TRAF2: variants seen among roughly 807,000 people sequenced by gnomAD.
The protein encoded by TRAF2 is TNF receptor associated factor 2, also known as TNF receptor-associated factor 2.
TRAF2 carries 6 observed loss-of-function variants against 55.6 expected under a neutral mutation model. That is an observed-to-expected ratio of 0.11 (90% CI 0.06 to 0.21). The LOEUF is 0.21. Among genes scored for constraint, TRAF2 ranks in the 10% least tolerant of loss-of-function variants. The pLI is 1.00. For synonymous variants in TRAF2, 329 were observed against 276.3 expected (o/e 1.19, Z -1.89); for missense variants, 561 against 684.5 (o/e 0.82, Z 2.01).
In TRAF2 at chr9:136,926,318, G is replaced by C. The variant is rs961976386; in HGVS notation, c.*417G>C. 11 of 353,088 alleles carry C rather than the reference G, an allele frequency of 3.1e-5. No individual in the cohort carries two copies. Among genetic ancestry groups the C allele is most frequent in the Non-Finnish European group, 6.2e-5 (11 of 178,766 alleles). 21.9% of individuals were successfully genotyped at this position (353,088 alleles called of 1,614,324 possible). A position where few individuals can be genotyped will look rare whatever the true frequency, so the allele number is the denominator to read the frequency against. ...CTCGGGCATGACAGGCAGAAACGAG[G>C]GCTGCTCCAGGAGAAGGGCCTCCTG... is the stretch of plus-strand genomic sequence containing the variant. On this transcript the variant is annotated 3_prime_UTR_variant, in exon 11 of 11. Coordinates refer to ENST00000247668, the MANE Select transcript of TRAF2 (RefSeq NM_021138.4).
chr9:136,914,676 C>T (rs1211965306), intron 6 of TRAF2, among the ~76,000 whole-genome samples: 6 of 152,190 alleles, frequency 3.9e-5, no homozygotes. Context: ...CATTGCTATA[C>T]ATAAGAACGG....
At chr9:136,912,152 C>CA (rs1850127800) in intron 6 of TRAF2, among the ~76,000 whole-genome samples, 1 of 58,302 alleles carries the variant, frequency 1.7e-5, no homozygotes, top group Non-Finnish European at 3.0e-5. Flanking sequence ...GCGTCTGGCC[C>CA]TTTTTTTTTT....
At chr9:136,886,651 GCCGGA>G in intron 1 of TRAF2, 110 bp downstream of exon 1, 1 of 733,714 alleles carries the variant, frequency 1.4e-6, no homozygotes. Context: ...GAGACTCCGG[GCCGGA>G]GCGGGAGCGG....
intron 4 of TRAF2, among the ~76,000 whole-genome samples, chr9:136,905,705 G>GTT (rs1377809854): frequency 6.6e-6 from 1 of 152,168 alleles, no homozygotes; most frequent in African/African-American, 2.4e-5. Context: ...CAAAAGACGT[G>GTT]TTTAACTCTG....
At chr9:136,910,978 G>A (rs756974791) in intron 6 of TRAF2, among the ~76,000 whole-genome samples, 8 of 152,228 alleles carry the variant, frequency 5.3e-5, no homozygotes, top group African/African-American at 1.9e-4. Context: ...AGGCCAGGAC[G>A]CCTGCCTGGG....
At chr9:136,888,606 C>T (rs1849506996) in intron 1 of TRAF2, among the ~76,000 whole-genome samples, 1 of 152,206 alleles carries the variant, frequency 6.6e-6, no homozygotes, top group South Asian at 2.1e-4. Flanking sequence ...TTTGCGGCGA[C>T]TAGGTGACCC....
intron 1 of TRAF2, 148 bp from the exon 2 acceptor site, chr9:136,898,565 C>T: frequency 6.9e-7 from 1 of 1,444,602 alleles, no homozygotes. Context: ...CTCCCTGAAG[C>T]TCTGCGATTC....
At chr9:136,891,030 A>G (rs1447288505) in intron 1 of TRAF2, among the ~76,000 whole-genome samples, 5 of 152,082 alleles carry the variant, frequency 3.3e-5, no homozygotes, top group Admixed American at 3.3e-4. Context: ...AGATCCTCCC[A>G]CCTCGGCCTC....
chr9:136,919,672 C>A (rs1850335331), intron 7 of TRAF2, among the ~76,000 whole-genome samples: 1 of 44,106 alleles, frequency 2.3e-5, no homozygotes, highest in African/African-American at 1.3e-4. Context: ...CTCCTTCTTT[C>A]CCTCCCCTTC....
chr9:136,920,145 C>T, intron 7 of TRAF2, 89 bp from the exon 8 acceptor site: 2 of 1,461,760 alleles, frequency 1.4e-6, no homozygotes, highest in South Asian at 1.4e-5. Flanking sequence ...GTCTCCTCAG[C>T]TCAGCTGAGG....
Position 136,898,733 on chromosome 9 carries a change from C to T in TRAF2, c.-8C>T. 6.2e-7 allele frequency: 1 copy of T among 1,613,258 alleles called. No individual in the cohort carries two copies. Among genetic ancestry groups the T allele is most frequent in the Non-Finnish European group, 8.5e-7 (1 of 1,180,000 alleles). On this transcript the variant is annotated 5_prime_UTR_variant, in exon 2 of 11. Coordinates refer to ENST00000247668, the MANE Select transcript of TRAF2 (RefSeq NM_021138.4). ...CTTAGGGCTTTGTTCGCGGGGGTCA[C>T]AGCTCTCATGGCTGCAGCTAGCGTG...
intron 1 of TRAF2, among the ~76,000 whole-genome samples, chr9:136,892,652 G>A (rs1235793361): frequency 6.6e-6 from 1 of 152,112 alleles, no homozygotes; most frequent in Non-Finnish European, 1.5e-5. Context: ...GATTGAGGTG[G>A]GCAGATTATC....
At chr9:136,901,503 C>T (rs1386294664) in intron 4 of TRAF2, among the ~76,000 whole-genome samples, 2 of 152,210 alleles carry the variant, frequency 1.3e-5, no homozygotes, top group South Asian at 2.1e-4. Flanking sequence ...TGACATGAGC[C>T]AGTTACCAAA....
chr9:136,891,195 G>A (rs1849574165), intron 1 of TRAF2, among the ~76,000 whole-genome samples: 1 of 152,118 alleles, frequency 6.6e-6, no homozygotes. Context: ...TGCAACCTCC[G>A]CCTCTCAGGT....
At chr9:136,924,088 C>CA in intron 10 of TRAF2, 88 bp downstream of exon 10, 1 of 1,521,662 alleles carries the variant, frequency 6.6e-7, no homozygotes, top group Non-Finnish European at 8.9e-7. Flanking sequence ...TTGTGCGGGA[C>CA]AAGGTGGCTT....
chr9:136,888,314 C>T (rs1384702318), intron 1 of TRAF2, among the ~76,000 whole-genome samples: 1 of 152,100 alleles, frequency 6.6e-6, no homozygotes, highest in African/African-American at 2.4e-5. Flanking sequence ...GCCTGTAGTC[C>T]CAGCTACTCC....
chr9:136,900,419 C>A lies in TRAF2; in HGVS notation c.268-3C>A. On this transcript the variant is annotated splice_region_variant and splice_polypyrimidine_tract_variant and intron_variant, in intron 3 of 10. Coordinates refer to ENST00000247668, the MANE Select transcript of TRAF2 (RefSeq NM_021138.4). ...TTAACCCGAGGGATATTCCTCTCCC[C>A]AGGCCTTCCCAGATAATGCTGCCCG... 1 of 1,590,390 alleles carries A rather than the reference C, an allele frequency of 6.3e-7. No individual in the cohort carries two copies. Among genetic ancestry groups the A allele is most frequent in the Non-Finnish European group, 8.6e-7 (1 of 1,166,920 alleles).
chr9:136,923,945 TTG>T lies in TRAF2; in HGVS notation c.1235_1236del (p.Val412GlyfsTer7). On this transcript the variant is annotated frameshift_variant, in exon 10 of 11. Transcript: ENST00000247668. LOFTEE classifies it high-confidence loss of function. ...CGAGGAACACACCTGTCCCTCTTCT[TTG>T]TGGTGATGAAGGGCCCGAATGACGC... 6.2e-7 allele frequency: 1 copy of T among 1,614,026 alleles called. No individual in the cohort carries two copies. Among genetic ancestry groups the T allele is most frequent in the Non-Finnish European group, 8.5e-7 (1 of 1,180,000 alleles).
chr9:136,907,867 G>GA (rs933418089), intron 4 of TRAF2, among the ~76,000 whole-genome samples: 14 of 151,996 alleles, frequency 9.2e-5, no homozygotes, highest in African/African-American at 3.4e-4. Context: ...GCGGTGAAGA[G>GA]AGTGGAGACG....
Sources: allele counts gnomAD v4.1 joint callset (sites outside exome capture counted in the v4.1 genomes callset), GRCh38; gene constraint gnomAD v4.1.1; transcripts MANE v1.5; gene names NCBI Gene and HGNC (gene_info 2026-07-23, HGNC 2026-07-21).